The following FAM193A variants were observed in gnomAD, a reference collection of about 807,000 sequenced individuals.
The protein encoded by FAM193A is family with sequence similarity 193 member A, also known as protein FAM193A.
A neutral mutation model predicts 126.5 loss-of-function variants in FAM193A; 22 were observed. The observed-to-expected ratio is 0.17, with a 90% CI of 0.12 to 0.25. The LOEUF (loss-of-function observed/expected upper bound fraction) is 0.25, where lower values mean the gene tolerates loss of function less well. Among genes scored for constraint, FAM193A ranks in the 10% least tolerant of loss-of-function variants. The probability of loss-of-function intolerance (pLI) is 1.00; values close to 1 mark genes in which losing one functional copy is unlikely to be tolerated. For missense variants in FAM193A, 1,675 were observed against 1,672.8 expected (o/e 1.00, Z -0.02); for synonymous variants, 761 against 646.8 (o/e 1.18, Z -2.68).
intron 1 of FAM193A, among the ~76,000 whole-genome samples, chr4:2,595,473 G>T (rs1398483703): frequency 1.3e-5 from 2 of 152,114 alleles, no homozygotes; most frequent in African/African-American, 2.4e-5. Flanking sequence ...TACCTCTAAG[G>T]CCTCTTCCCC....
chr4:2,541,155 A>T (rs1488852730), intron 1 of FAM193A, among the ~76,000 whole-genome samples: 1 of 151,808 alleles, frequency 6.6e-6, no homozygotes, highest in Non-Finnish European at 1.5e-5. Flanking sequence ...CTGTAATCCT[A>T]GCTACTCAGG....
intron 1 of FAM193A, among the ~76,000 whole-genome samples, chr4:2,593,124 G>A (rs779631510): frequency 3.3e-5 from 5 of 152,122 alleles, no homozygotes; most frequent in African/African-American, 1.2e-4. Flanking sequence ...AAAATACCCA[G>A]CACCTGACGC....
intron 6 of FAM193A, among the ~76,000 whole-genome samples, chr4:2,640,977 G>A (rs1744563470): frequency 6.6e-6 from 1 of 151,900 alleles, no homozygotes; most frequent in South Asian, 2.1e-4. Flanking sequence ...GGGAAAAAAA[G>A]TCGTTAGCTT....
At chr4:2,671,568 G>T (rs1190647689) in intron 12 of FAM193A, among the ~76,000 whole-genome samples, 1 of 152,202 alleles carries the variant, frequency 6.6e-6, no homozygotes, top group South Asian at 2.1e-4. Context: ...TAGCTGATTT[G>T]CATGAATAAA....
intron 1 of FAM193A, among the ~76,000 whole-genome samples, chr4:2,574,171 G>A (rs562139599): frequency 6.6e-6 from 1 of 152,170 alleles, no homozygotes; most frequent in South Asian, 2.1e-4. Context: ...AGTTAGAGAT[G>A]TGGTGTCAGT....
intron 1 of FAM193A, among the ~76,000 whole-genome samples, chr4:2,542,613 G>A (rs1440048197): frequency 1.6e-4 from 24 of 152,148 alleles, no homozygotes; most frequent in Admixed American, 1.6e-3. Context: ...CCCCACAGAT[G>A]GTGAGCTTTT....
intron 20 of FAM193A, among the ~76,000 whole-genome samples, chr4:2,729,357 G>A (rs1447151200): frequency 1.3e-5 from 2 of 152,090 alleles, no homozygotes; most frequent in Admixed American, 6.5e-5. Context: ...GTGTGTGCAG[G>A]CAGCCCACCC....
intron 2 of FAM193A, among the ~76,000 whole-genome samples, chr4:2,598,185 G>A (rs781738922): frequency 5.3e-5 from 8 of 152,188 alleles, no homozygotes; most frequent in Non-Finnish European, 1.2e-4. Flanking sequence ...GAGCCACCGC[G>A]CCTGGCCTGA....
chr4:2,661,639 G>A (rs147058475), intron 10 of FAM193A, among the ~76,000 whole-genome samples: 170 of 152,276 alleles, frequency 1.1e-3, no homozygotes, highest in African/African-American at 4.0e-3. Context: ...TACTTGTAAT[G>A]TGTTGAAAAG....
At chr4:2,536,545 C>G (rs1010446065), upstream of FAM193A, 4 of 110,970 alleles carry the variant, frequency 3.6e-5, no homozygotes, top group African/African-American at 1.4e-4. Context: ...AAGGGAAAAG[C>G]AGAGCCGGGG....
At chr4:2,627,385 A>AAACAGGTGGGTTTCT (rs1560494614) in intron 4 of FAM193A, among the ~76,000 whole-genome samples, 7 of 137,794 alleles carry the variant, frequency 5.1e-5, no homozygotes, top group South Asian at 2.5e-4. Context: ...GGTCTCTAAC[A>AAACAGGTGGGTTTCT]TAATCCACCT....
At chr4:2,558,575 T>C (rs944676480) in intron 1 of FAM193A, among the ~76,000 whole-genome samples, 4 of 152,108 alleles carry the variant, frequency 2.6e-5, no homozygotes, top group African/African-American at 9.7e-5. Flanking sequence ...GGGGATGAGA[T>C]CTTGTATGTT....
Position 2,690,479 on chromosome 4 carries a change from C to T in FAM193A, c.2531-219C>T, listed in dbSNP as rs567092715. ...CTCAGAAAGTAATTTTAAGACTTTA[C>T]GTAACTTTGGAAAGCACCTAGCACA... is the stretch of plus-strand genomic sequence containing the variant. On this transcript the variant is annotated intron_variant, in intron 14 of 20. Coordinates refer to ENST00000637812, the MANE Select transcript of FAM193A (RefSeq NM_001366318.2). Among the ~76,000 whole-genome samples, 10 of 152,304 alleles carry T rather than the reference C, an allele frequency of 6.6e-5. No homozygotes were observed. The South Asian group carries it at 8.3e-4, about 13-fold the overall frequency.
Position 2,554,360 on chromosome 4 carries a change from G to A in FAM193A, c.255+17190G>A, listed in dbSNP as rs183954106. Among the ~76,000 whole-genome samples the A allele has an allele frequency of 9.2e-5, 14 of 152,244 alleles. No homozygotes were observed. The East Asian group carries it at 2.5e-3, about 27-fold the overall frequency. ...AGCCTCCCAAAGTGCTGGGATTACA[G>A]TCTTGAAACCACCGTGTCCGGCCAC... On this transcript the variant is annotated intron_variant, in intron 1 of 20. Coordinates refer to ENST00000637812, the MANE Select transcript of FAM193A (RefSeq NM_001366318.2).
At chr4:2,696,023 G>A (rs1447886116) in intron 17 of FAM193A, among the ~76,000 whole-genome samples, 1 of 119,484 alleles carries the variant, frequency 8.4e-6, no homozygotes, top group African/African-American at 2.8e-5. Context: ...GCAAGACCTT[G>A]TCTCAAAAAT....
intron 2 of FAM193A, among the ~76,000 whole-genome samples, chr4:2,617,636 T>C (rs1288631076): frequency 6.6e-6 from 1 of 152,146 alleles, no homozygotes; most frequent in Admixed American, 6.6e-5. Context: ...CTTTGTTTTA[T>C]AATTTTTTAG....
chr4:2,538,944 G>C (rs1271314759), intron 1 of FAM193A, among the ~76,000 whole-genome samples: 1 of 151,896 alleles, frequency 6.6e-6, no homozygotes, highest in Admixed American at 6.6e-5. Context: ...AGGCTGGAGT[G>C]CAGTGGTGCG....
intron 19 of FAM193A, among the ~76,000 whole-genome samples, chr4:2,704,878 C>G (rs7677613): frequency 6.6e-5 from 10 of 152,090 alleles, no homozygotes; most frequent in African/African-American, 2.4e-4. Context: ...TCATTTCTTA[C>G]TAGGTTTTTG....
At chr4:2,561,251 G>A (rs947340728) in intron 1 of FAM193A, among the ~76,000 whole-genome samples, 3 of 152,030 alleles carry the variant, frequency 2.0e-5, no homozygotes, top group Admixed American at 6.6e-5. Context: ...CGCAGTCTCA[G>A]TTCACTGCAG....
Sources: allele counts gnomAD v4.1 joint callset (sites outside exome capture counted in the v4.1 genomes callset), GRCh38; gene constraint gnomAD v4.1.1; transcripts MANE v1.5; gene names NCBI Gene and HGNC (gene_info 2026-07-23, HGNC 2026-07-21).